The following ATN1 variants were observed in gnomAD, a reference collection of about 807,000 sequenced individuals.
ATN1 encodes the protein atrophin-1.
A neutral mutation model predicts 85.8 loss-of-function variants in ATN1; 19 were observed. The ratio of observed to expected loss-of-function variants is 0.22; its 90% CI spans 0.15 to 0.32. The LOEUF is 0.32. Ranked by LOEUF, ATN1 falls within the 10% of genes least tolerant of loss-of-function variation. The pLI is 1.00. For missense variants in ATN1, 1,453 were observed against 1,564.5 expected, an observed-to-expected ratio of 0.93 and a Z score of 1.20; for synonymous variants, 674 against 657.0, an observed-to-expected ratio of 1.03 and a Z score of -0.39.
At position 6,942,264 on chromosome 12, in the gene ATN1, A is replaced by G. The variant is rs1462507195; in HGVS notation, c.*484A>G. The G allele has an allele frequency of 6.5e-6, 1 of 153,904 alleles. No individual in the cohort carries two copies. The highest frequency in any genetic ancestry group is 2.4e-5 in the African/African-American group (1 of 41,302). The allele number at this position is 153,904 out of a possible 1,614,324, so 9.5% of individuals were successfully genotyped here. A position where few individuals can be genotyped will look rare whatever the true frequency, so the allele number is the denominator to read the frequency against. On this transcript the variant is annotated 3_prime_UTR_variant, in exon 10 of 10. Coordinates refer to ENST00000396684, the MANE Select transcript of ATN1 (RefSeq NM_001940.4). ...ATATAAATATCTATATGACGCTCTT[A>G]AAAAAACATCCCAACCAAAACCAAC...
In ATN1 at chr12:6,935,777, A is replaced by G; in HGVS notation, c.510A>G (p.Gln170=). ...HPPPLFPPSP[Q]PPDSTPRQPE... ...CTCCACTCTTTCCTCCTTCCCCTCA[A>G]CCGCCAGACAGCACCCCTCGACAGC... Residue 170 remains glutamine, a synonymous_variant, in exon 5 of 10, where the codon CAA becomes CAG. Transcript: ENST00000396684. This position sits in a 1 kb window ranked among gnomAD's most constrained non-coding sequence, Gnocchi z 5.3. 1.2e-6 allele frequency: 2 copies of G among 1,613,458 alleles called. No homozygotes were observed. Among genetic ancestry groups the G allele is most frequent in the Middle Eastern group, 1.7e-4 (1 of 6,060 alleles).
rs1555142781 is a variant in ATN1 at position 6,928,176 on chromosome 12, G to T, written c.-371G>T. On this transcript the variant is annotated 5_prime_UTR_variant, in exon 1 of 10. Coordinates refer to ENST00000396684, the MANE Select transcript of ATN1 (RefSeq NM_001940.4). ...AGAGCGGGGATCGGGGTTTGCTCCGGGGGCCGGCGGGCGATTGGGGCCAGG... is the reference window on the plus strand; with the variant it reads ...AGAGCGGGGATCGGGGTTTGCTCCGTGGGCCGGCGGGCGATTGGGGCCAGG... The T allele has an allele frequency of 6.8e-6, 1 of 147,330 alleles. No individual in the cohort carries two copies. Among genetic ancestry groups the T allele is most frequent in the African/African-American group, 2.5e-5 (1 of 40,284 alleles). 9.1% of individuals were successfully genotyped at this position (147,330 alleles called of 1,614,324 possible).
In ATN1 at chr12:6,928,070, C is replaced by T. The variant is rs1230149872; in HGVS notation, c.-477C>T. 7.2e-4 allele frequency among the ~76,000 whole-genome samples: 91 copies of T among 126,258 alleles called. No homozygotes were observed. Among genetic ancestry groups the T allele is most frequent in the Admixed American group, 2.2e-3 (28 of 12,616 alleles). The allele number at this position is 126,258 out of a possible 152,430, so 82.8% of individuals were successfully genotyped here. A position where few individuals can be genotyped will look rare whatever the true frequency, so the allele number is the denominator to read the frequency against. ...GGGCCGGGCGGGCCGCGGGGCCGGG[C>T]GGCGCGGCGGGGGCGGGCGGCGCGG... On this transcript the variant is annotated 5_prime_UTR_variant, in exon 1 of 10. Coordinates refer to ENST00000396684, the MANE Select transcript of ATN1 (RefSeq NM_001940.4).
Position 6,938,491 on chromosome 12 carries a change from A to C in ATN1, c.2528A>C (p.Gln843Pro). ...RELERSVKLA[Q>P]EGRAPVECPS... ...CCCTGTATCCCACAGAAGTTGGCTC[A>C]GGAGGGCCGTGCTCCGGTGGAATGC... Residue 843 changes from glutamine to proline, a missense_variant, in exon 7 of 10, where the codon CAG becomes CCG. Around this residue, in one of 6 missense-constraint regions of ATN1, gnomAD observed 990 missense variants for 914.8 expected, o/e 1.08. Coordinates refer to ENST00000396684, the MANE Select transcript of ATN1 (RefSeq NM_001940.4). The C allele has an allele frequency of 6.2e-7, 1 of 1,605,340 alleles. No homozygotes were observed. The highest frequency in any genetic ancestry group is 1.1e-5 in the South Asian group (1 of 90,852).
Position 6,939,011 on chromosome 12 carries a change from C to T in ATN1, c.3048C>T (p.Ser1016=). 6.2e-7 allele frequency: 1 copy of T among 1,611,822 alleles called. No homozygotes were observed. The highest frequency in any genetic ancestry group is 8.5e-7 in the Non-Finnish European group (1 of 1,180,000). The change falls in exon 7 of 10, where the codon TCC becomes TCT. Residue 1016 remains serine, a synonymous_variant. Coordinates refer to ENST00000396684, the MANE Select transcript of ATN1 (RefSeq NM_001940.4). ...AAGPALRPDM[S]YAERLAAERQ... ...GGCCAGCCCTGCGGCCTGACATGTC[C>T]TATGCTGAGCGGCTGGCAGCTGAGA...
Position 6,935,754 on chromosome 12 carries a change from C to A in ATN1, c.487C>A (p.Pro163Thr). The A allele has an allele frequency of 1.2e-6, 2 of 1,613,822 alleles. No individual in the cohort carries two copies. The highest frequency in any genetic ancestry group is 1.7e-6 in the Non-Finnish European group (2 of 1,179,856). The change falls in exon 5 of 10, where the codon CCA (proline) becomes ACA (threonine). Residue 163 changes from proline (P) to threonine (T), a missense_variant. Pro to Thr is a conservative substitution (Grantham distance 38). This residue lies in a region of ATN1 where 990 missense variants were observed against 914.8 expected (regional missense o/e 1.08). Transcript: ENST00000396684. This position sits in a 1 kb window ranked among gnomAD's most constrained non-coding sequence, Gnocchi z 5.3. ...QGPARPYHPPPLFPPSPQPPD... is the reference protein window; with the variant it reads ...QGPARPYHPPTLFPPSPQPPD... The stretch of plus-strand genomic sequence containing the variant: ...CCCAGCCCGCCCCTACCACCCACCT[C>A]CACTCTTTCCTCCTTCCCCTCAACC...
chr12:6,929,385 G>T (rs1555142879), intron 1 of ATN1, among the ~76,000 whole-genome samples: 3 of 152,146 alleles, frequency 2.0e-5, no homozygotes, highest in African/African-American at 7.2e-5. Context: ...GACTAGGGTA[G>T]GTACCTTCAA....
intron 1 of ATN1, among the ~76,000 whole-genome samples, chr12:6,932,065 A>G (rs2138205715): frequency 6.7e-6 from 1 of 148,708 alleles, no homozygotes; most frequent in East Asian, 2.0e-4. Flanking sequence ...AAAAAAAGAC[A>G]AGTCTACTGG....
At position 6,940,867 on chromosome 12, in the gene ATN1, C is replaced by T; in HGVS notation, c.3215-13C>T. On this transcript the variant is annotated splice_polypyrimidine_tract_variant and intron_variant, in intron 7 of 9. Coordinates refer to ENST00000396684, the MANE Select transcript of ATN1 (RefSeq NM_001940.4). ...TGCCTTCTGGTGACACCTTCCTCTT[C>T]TCTGCCCTCCAGCCTCTGCCTCGGT... 1 of 1,614,194 alleles carries T rather than the reference C, an allele frequency of 6.2e-7. No homozygotes were observed. The highest frequency in any genetic ancestry group is 8.5e-7 in the Non-Finnish European group (1 of 1,180,026).
At chr12:6,924,986 C>G (rs1339649745), upstream of ATN1, among the ~76,000 whole-genome samples, 1 of 152,204 alleles carries the variant, frequency 6.6e-6, no homozygotes, top group Non-Finnish European at 1.5e-5. Context: ...ACAGCTAGCT[C>G]TGCCTGGGCC....
chr12:6,927,901 G>A (rs1420996263), upstream of ATN1, among the ~76,000 whole-genome samples: 3 of 151,350 alleles, frequency 2.0e-5, no homozygotes, highest in Non-Finnish European at 4.4e-5. Context: ...CCGCGGCTTC[G>A]GGGAGGGGCT....
In ATN1 at chr12:6,936,439, C is replaced by T. The variant is rs781783154; in HGVS notation, c.1172C>T (p.Ser391Phe). The T allele has an allele frequency of 6.2e-7, 1 of 1,611,640 alleles. No homozygotes were observed. The change falls in exon 5 of 10, where the codon TCC becomes TTC. Residue 391 changes from serine to phenylalanine, a missense_variant. Coordinates refer to ENST00000396684, the MANE Select transcript of ATN1 (RefSeq NM_001940.4). ...SSAAASSSSS[S>F]SSSSASPFPA... ...GCAGCAGCCTCCTCTTCCAGTTCTT[C>T]CTCCTCTTCCTCTGCCTCCCCCTTC...
At position 6,936,861 on chromosome 12, in the gene ATN1, A is replaced by G. The variant is rs1393628970; in HGVS notation, c.1594A>G (p.Met532Val). Residue 532 changes from methionine (M) to valine (V), a missense_variant, in exon 5 of 10, where the codon ATG becomes GTG. Coordinates refer to ENST00000396684, the MANE Select transcript of ATN1 (RefSeq NM_001940.4). ...CTCCCACCACGCACACCCTTACGCC[A>G]TGTCTCCCTCCCTGGGGTCTCTGAG... is the stretch of plus-strand genomic sequence containing the variant. ...GSSHHAHPYA[M>V]SPSLGSLRPY... 1.2e-6 allele frequency: 2 copies of G among 1,613,542 alleles called. No individual in the cohort carries two copies. The highest frequency in any genetic ancestry group is 1.7e-5 in the Admixed American group (1 of 59,986).
At chr12:6,925,141 T>TGTGTGTGTGTGTGTGTGA (rs1445451270), upstream of ATN1, among the ~76,000 whole-genome samples, 23 of 147,658 alleles carry the variant, frequency 1.6e-4, no homozygotes, top group African/African-American at 5.3e-4. Context: ...TGTGTGTGTG[T>TGTGTGTGTGTGTGTGTGA]GAGAGAGAGA....
upstream of ATN1, among the ~76,000 whole-genome samples, chr12:6,926,638 A>G (rs1194612355): frequency 2.0e-5 from 3 of 151,836 alleles, no homozygotes; most frequent in Admixed American, 6.6e-5. Flanking sequence ...ACACCCGGCT[A>G]ATTTTTGTAT....
In ATN1 at chr12:6,935,632, G is replaced by A; in HGVS notation, c.365G>A (p.Arg122Lys). 1.2e-6 allele frequency: 2 copies of A among 1,613,948 alleles called. No homozygotes were observed. Among genetic ancestry groups the A allele is most frequent in the Non-Finnish European group, 1.7e-6 (2 of 1,179,894 alleles). The change falls in exon 5 of 10, where the codon AGG becomes AAG. Residue 122 changes from arginine to lysine, a missense_variant. Transcript: ENST00000396684. The surrounding 1 kb of genome is among the most constrained non-coding windows in gnomAD (Gnocchi z 5.3). ...AATGATGATGGCAGCAGCGACCCTAGGGATATCGACCAGGACAACCGAAGC... is the reference window on the plus strand; with the variant it reads ...AATGATGATGGCAGCAGCGACCCTAAGGATATCGACCAGGACAACCGAAGC... Reference protein sequence around the residue: ...SLNDDGSSDPRDIDQDNRSTS... With the variant: ...SLNDDGSSDPKDIDQDNRSTS...
At chr12:6,938,108 TTTCC>T (rs1421029660) in intron 6 of ATN1, 41 bp downstream of exon 6, 16 of 1,514,362 alleles carry the variant, frequency 1.1e-5, no homozygotes, top group African/African-American at 8.3e-5. Context: ...TCTTTCCCTC[TTTCC>T]TTCCTTCCCT....
chr12:6,934,148 G>C lies in ATN1; in HGVS notation c.28-28G>C. ...AGTTAGGTGCAATGTAAAGAACAGT[G>C]TTACCTACCTCCTTCCTCCTCCTGT... On this transcript the variant is annotated intron_variant, in intron 2 of 9. Transcript: ENST00000396684. This position sits in a 1 kb window ranked among gnomAD's most constrained non-coding sequence, Gnocchi z 4.5. 6.2e-7 allele frequency: 1 copy of C among 1,613,846 alleles called. No individual in the cohort carries two copies. The highest frequency in any genetic ancestry group is 1.3e-5 in the African/African-American group (1 of 75,016).
rs1945590991 is a variant in ATN1, at chr12:6,938,700, C to T, written c.2737C>T (p.Pro913Ser). Residue 913 changes from proline to serine, a missense_variant, in exon 7 of 10, where the codon CCG becomes TCG. Transcript: ENST00000396684. ...PFYVPLGAVDPGLLGYNVPAL... is the reference protein window; with the variant it reads ...PFYVPLGAVDSGLLGYNVPAL... ...CTACGTGCCCCTGGGGGCAGTGGAC[C>T]CGGGGCTCCTGGGTTACAATGTCCC... 6.2e-7 allele frequency: 1 copy of T among 1,614,008 alleles called. No homozygotes were observed. The highest frequency in any genetic ancestry group is 1.3e-5 in the African/African-American group (1 of 74,940).
Sources: allele counts gnomAD v4.1 joint callset (sites outside exome capture counted in the v4.1 genomes callset), GRCh38; gene constraint gnomAD v4.1.1; regional missense constraint gnomAD v4.1.1; non-coding constraint Gnocchi (gnomAD v3.1); transcripts MANE v1.5; gene names NCBI Gene and HGNC (gene_info 2026-07-23, HGNC 2026-07-21).